The following SLC38A12 variants were observed in gnomAD, a reference collection of about 807,000 sequenced individuals.
SLC38A12 encodes the protein solute carrier family 38 member 12.
chr17:74,822,894 C>T, the SLC38A12 span, among the ~76,000 whole-genome samples: 489 of 152,290 alleles, frequency 3.2e-3, 3 homozygotes, highest in African/African-American at 0.011. Flanking sequence ...CCTGGAGCCA[C>T]CAAACAAAAC....
At chr17:74,796,299 C>G in the SLC38A12 span, among the ~76,000 whole-genome samples, 1 of 152,180 alleles carries the variant, frequency 6.6e-6, no homozygotes, top group Non-Finnish European at 1.5e-5. Context: ...TTAACTGTTG[C>G]AGTATCTGTT....
At chr17:74,822,684 T>A in the SLC38A12 span, among the ~76,000 whole-genome samples, 1 of 152,226 alleles carries the variant, frequency 6.6e-6, no homozygotes, top group Non-Finnish European at 1.5e-5. Flanking sequence ...AACCTTTCTG[T>A]GGCACAGCCC....
chr17:74,821,918 C>T, the SLC38A12 span, among the ~76,000 whole-genome samples: 8 of 152,324 alleles, frequency 5.3e-5, no homozygotes, highest in South Asian at 1.7e-3. Flanking sequence ...CCCGTCCCTT[C>T]CCCTCATCCA....
chr17:74,823,052 G>A, the SLC38A12 span, among the ~76,000 whole-genome samples: 2 of 152,196 alleles, frequency 1.3e-5, no homozygotes, highest in Non-Finnish European at 2.9e-5. Context: ...CAAGTTGTCA[G>A]TTCGCCACAA....
chr17:74,802,220 G>A, the SLC38A12 span, among the ~76,000 whole-genome samples: 7 of 152,154 alleles, frequency 4.6e-5, no homozygotes, highest in African/African-American at 1.7e-4. Context: ...ACGTGGGTTC[G>A]GTTGACTGGC....
the SLC38A12 span, chr17:74,788,861 G>A: frequency 1.2e-6 from 2 of 1,613,172 alleles, no homozygotes; most frequent in Non-Finnish European, 8.5e-7. Flanking sequence ...AGAGGATGGA[G>A]AACCTCAAGG....
the SLC38A12 span, among the ~76,000 whole-genome samples, chr17:74,787,984 C>G: frequency 6.6e-6 from 1 of 151,988 alleles, no homozygotes; most frequent in Non-Finnish European, 1.5e-5. Context: ...TTAGTACAGA[C>G]GAAGTTTCAC....
At chr17:74,795,600 C>G in the SLC38A12 span, 7,785 of 1,614,002 alleles carry the variant, frequency 4.8e-3, 37 homozygotes, top group Admixed American at 8.8e-3. Flanking sequence ...CTGGGGGCCC[C>G]TGCGCCGAGT....
chr17:74,795,238 C>A, the SLC38A12 span: 2 of 802,466 alleles, frequency 2.5e-6, no homozygotes, highest in South Asian at 1.5e-5. Context: ...TGCAGATGCC[C>A]AGGCCCTTTT....
At chr17:74,806,442 G>C in the SLC38A12 span, among the ~76,000 whole-genome samples, 5 of 152,294 alleles carry the variant, frequency 3.3e-5, no homozygotes, top group East Asian at 9.6e-4. Flanking sequence ...TACTAAAAGA[G>C]CTGTTTTTGT....
At chr17:74,785,107 T>C in the SLC38A12 span, among the ~76,000 whole-genome samples, 175 of 152,286 alleles carry the variant, frequency 1.1e-3, no homozygotes, top group African/African-American at 3.9e-3. Context: ...GTCAGCATTA[T>C]GCGCTCACCT....
At chr17:74,831,814 C>G in the SLC38A12 span, among the ~76,000 whole-genome samples, 1 of 152,228 alleles carries the variant, frequency 6.6e-6, no homozygotes, top group African/African-American at 2.4e-5. Flanking sequence ...TGGCTTCCCA[C>G]GCAGCCTCCA....
At chr17:74,801,503 G>C in the SLC38A12 span, among the ~76,000 whole-genome samples, 1 of 152,152 alleles carries the variant, frequency 6.6e-6, no homozygotes, top group African/African-American at 2.4e-5. Context: ...TTTGGTGTGG[G>C]GTTGTGAGCC....
the SLC38A12 span, among the ~76,000 whole-genome samples, chr17:74,783,148 T>C: frequency 6.6e-6 from 1 of 151,892 alleles, no homozygotes; most frequent in Non-Finnish European, 1.5e-5. Context: ...AAAATAAAAA[T>C]TGAGATTGTG....
chr17:74,802,886 C>T, the SLC38A12 span, among the ~76,000 whole-genome samples: 4 of 152,212 alleles, frequency 2.6e-5, no homozygotes, highest in East Asian at 3.9e-4. Flanking sequence ...GGTTTACTCC[C>T]GGGCACGTGG....
the SLC38A12 span, chr17:74,790,166 C>T: frequency 5.8e-6 from 9 of 1,559,918 alleles, no homozygotes; most frequent in East Asian, 1.6e-4. Context: ...CCTTGTTTTC[C>T]TCCCTCCTCC....
chr17:74,802,334 C>T, the SLC38A12 span, among the ~76,000 whole-genome samples: 49 of 152,272 alleles, frequency 3.2e-4, no homozygotes, highest in Non-Finnish European at 6.2e-4. Flanking sequence ...CCCGTGCCAC[C>T]GCCTCTATGG....
At chr17:74,805,559 C>G in the SLC38A12 span, among the ~76,000 whole-genome samples, 1 of 152,198 alleles carries the variant, frequency 6.6e-6, no homozygotes, top group East Asian at 1.9e-4. The surrounding 1 kb of genome is among the most constrained non-coding windows in gnomAD (Gnocchi z 5.0). Context: ...TTCTCAAACC[C>G]GCTTCAAGAG....
At chr17:74,817,768 T>C in the SLC38A12 span, among the ~76,000 whole-genome samples, 1 of 152,162 alleles carries the variant, frequency 6.6e-6, no homozygotes, top group Non-Finnish European at 1.5e-5. Context: ...GTGGTTCTGC[T>C]GTCCGTCTAT....
Sources: gnomAD v4.1 joint callset for allele counts (sites outside exome capture counted in the v4.1 genomes callset) on GRCh38, gnomAD v4.1.1 for gene constraint, Gnocchi (gnomAD v3.1) non-coding constraint, MANE v1.5 for transcripts, NCBI Gene and HGNC (gene_info 2026-07-23, HGNC 2026-07-21) for gene names.